CFTR: variants seen among roughly 807,000 people sequenced by gnomAD.
The protein encoded by CFTR is CF transmembrane conductance regulator.
A neutral mutation model predicts 171.6 loss-of-function variants in CFTR; 181 were observed. That is an observed-to-expected ratio of 1.05 (90% CI 0.93 to 1.19). CFTR has a LOEUF of 1.19. Among genes scored for constraint, CFTR ranks in the 50% most tolerant of loss-of-function variants. CFTR has a pLI of 0.00. For missense variants in CFTR, 1,968 were observed against 1,734.7 expected (o/e 1.13, Z -2.39); for synonymous variants, 583 against 608.0 (o/e 0.96, Z 0.60).
At chr7:117,584,464 C>A (rs1791899006) in intron 11 of CFTR, among the ~76,000 whole-genome samples, 1 of 152,038 alleles carries the variant, frequency 6.6e-6, no homozygotes, top group Non-Finnish European at 1.5e-5. Context: ...TATGCTTTGT[C>A]AAAGATCAGT....
intron 25 of CFTR, 125 bp from the exon 26 acceptor site, chr7:117,665,334 A>G: frequency 1.5e-6 from 1 of 671,280 alleles, no homozygotes; most frequent in Non-Finnish European, 2.6e-6. Flanking sequence ...TATCAACATT[A>G]TGTGAAAAGA....
intron 21 of CFTR, chr7:117,616,279 G>A (rs377536077): frequency 6.6e-6 from 1 of 151,126 alleles, no homozygotes; most frequent in East Asian, 1.9e-4. Context: ...TCTGTAGTTC[G>A]GTCTTTAATT....
rs397508621 is a variant in CFTR at position 117,642,592 on chromosome 7, A to G, written c.3872A>G (p.Gln1291Arg). Reference protein sequence around the residue: ...QWRKAFGVIPQKVFIFSGTFR... With the variant: ...QWRKAFGVIPRKVFIFSGTFR... ...AGGAAAGCCTTTGGAGTGATACCAC[A>G]GGTGAGCAAAAGGACTTAGCCAGAA... The change falls in exon 23 of 27, where the codon CAG (glutamine) becomes CGG (arginine). Residue 1291 changes from glutamine (Q) to arginine (R), a missense_variant and splice_region_variant. Gln to Arg is a conservative substitution (Grantham distance 43). Transcript: ENST00000003084. The G allele has an allele frequency of 6.2e-7, 1 of 1,613,296 alleles. No homozygotes were observed. The highest frequency in any genetic ancestry group is 8.5e-7 in the Non-Finnish European group (1 of 1,179,528).
At position 117,664,541 on chromosome 7, in the gene CFTR, A is replaced by G. The variant is rs1793336770; in HGVS notation, c.3964-147A>G. ...CAAGGTTGTAAATAGACTTTTGCTCAATCAATTCAAATGGTGGCAGGTAGT... is the reference window on the plus strand; with the variant it reads ...CAAGGTTGTAAATAGACTTTTGCTCGATCAATTCAAATGGTGGCAGGTAGT... On this transcript the variant is annotated intron_variant, in intron 24 of 26. Coordinates refer to ENST00000003084, the MANE Select transcript of CFTR (RefSeq NM_000492.4). The G allele has an allele frequency of 5.4e-6, 4 of 734,808 alleles. No homozygotes were observed. The Admixed American group carries it at 8.3e-5, about 15-fold the overall frequency. 45.5% of individuals were successfully genotyped at this position (734,808 alleles called of 1,614,324 possible).
chr7:117,583,467 C>T (rs1283307217), intron 11 of CFTR, among the ~76,000 whole-genome samples: 1 of 152,142 alleles, frequency 6.6e-6, no homozygotes, highest in African/African-American at 2.4e-5. Flanking sequence ...AATAAATTGT[C>T]TCTAGCTCCA....
At chr7:117,580,531 G>A (rs1453139211) in intron 11 of CFTR, among the ~76,000 whole-genome samples, 7 of 152,054 alleles carry the variant, frequency 4.6e-5, no homozygotes, top group Non-Finnish European at 1.0e-4. Context: ...ATGAGGGTAT[G>A]TCTTAGAAAA....
Position 117,592,388 on chromosome 7 carries a change from G to T in CFTR, c.2221G>T (p.Asp741Tyr). Residue 741 changes from aspartate to tyrosine, a missense_variant, in exon 14 of 27, where the codon GAT becomes TAT. Physicochemically the swap from Asp to Tyr is radical, Grantham distance 160 (BLOSUM62 -3). Coordinates refer to ENST00000003084, the MANE Select transcript of CFTR (RefSeq NM_000492.4). The stretch of plus-strand genomic sequence containing the variant: ...AGAGAGAAGGCTGTCCTTAGTACCA[G>T]ATTCTGAGCAGGGAGAGGCGATACT... ...PLERRLSLVP[D>Y]SEQGEAILPR... is the part of the protein sequence containing the mutation. 6.2e-7 allele frequency: 1 copy of T among 1,614,094 alleles called. No homozygotes were observed. Among genetic ancestry groups the T allele is most frequent in the Non-Finnish European group, 8.5e-7 (1 of 1,179,984 alleles).
chr7:117,586,577 A>G (rs2116013729), intron 11 of CFTR, among the ~76,000 whole-genome samples: 1 of 152,278 alleles, frequency 6.6e-6, no homozygotes, highest in South Asian at 2.1e-4. Context: ...AGTCCTATTT[A>G]TGTCCATATG....
intron 23 of CFTR, among the ~76,000 whole-genome samples, chr7:117,651,597 T>C (rs1407534235): frequency 6.6e-6 from 1 of 152,146 alleles, no homozygotes; most frequent in Non-Finnish European, 1.5e-5. Context: ...TGTAAAGCAA[T>C]GTAGGTACCT....
intron 10 of CFTR, among the ~76,000 whole-genome samples, chr7:117,558,533 GA>G (rs1799399454): frequency 6.7e-6 from 1 of 149,848 alleles, no homozygotes; most frequent in African/African-American, 2.5e-5. Flanking sequence ...TAGCCTGGGT[GA>G]CAGAGTGAGA....
chr7:117,482,747 T>G (rs183418356), intron 1 of CFTR, among the ~76,000 whole-genome samples: 38 of 152,354 alleles, frequency 2.5e-4, no homozygotes, highest in African/African-American at 8.4e-4. Flanking sequence ...TCACAACTTT[T>G]AAGGTAGTTA....
Position 117,615,702 on chromosome 7 carries a change from C to T in CFTR, c.3468+989C>T, listed in dbSNP as rs1158490973. Among the ~76,000 whole-genome samples, 15 of 151,616 alleles carry T rather than the reference C, an allele frequency of 9.9e-5. No individual in the cohort carries two copies. In the Admixed American group the frequency reaches 9.9e-4, roughly 10 times the overall value. ...TATAGTAATGCTTATGTGCTAATAC[C>T]ATATCAGGGGCACAAATCCCATTGC... On this transcript the variant is annotated intron_variant, in intron 21 of 26. Transcript: ENST00000003084.
intron 15 of CFTR, among the ~76,000 whole-genome samples, chr7:117,600,062 T>A (rs1792199525): frequency 6.6e-6 from 1 of 152,070 alleles, no homozygotes; most frequent in African/African-American, 2.4e-5. Flanking sequence ...ATAGGTTAGG[T>A]AAAATAGGCT....
At chr7:117,566,697 GAAAAT>G (rs1791607796) in intron 11 of CFTR, among the ~76,000 whole-genome samples, 1 of 151,832 alleles carries the variant, frequency 6.6e-6, no homozygotes, top group Non-Finnish European at 1.5e-5. Flanking sequence ...CCTGGAACTT[GAAAAT>G]AAATGCTAGC....
intron 23 of CFTR, among the ~76,000 whole-genome samples, chr7:117,648,756 G>C (rs776682639): frequency 8.5e-5 from 13 of 152,106 alleles, no homozygotes; most frequent in Non-Finnish European, 1.8e-4. Flanking sequence ...TTTGTGGAAA[G>C]TTCAAACAGT....
intron 15 of CFTR, among the ~76,000 whole-genome samples, chr7:117,601,461 A>T (rs1260624519): frequency 1.3e-5 from 2 of 152,120 alleles, no homozygotes; most frequent in Non-Finnish European, 2.9e-5. Flanking sequence ...TATATACCTC[A>T]TTATAGTACT....
chr7:117,611,373 G>C (rs1554392156), intron 19 of CFTR, among the ~76,000 whole-genome samples: 1 of 151,860 alleles, frequency 6.6e-6, no homozygotes, highest in Non-Finnish European at 1.5e-5. Context: ...CCCATCTCTG[G>C]TAGCCAAGTA....
At chr7:117,544,104 C>T (rs1310459752) in intron 9 of CFTR, among the ~76,000 whole-genome samples, 1 of 152,080 alleles carries the variant, frequency 6.6e-6, no homozygotes, top group Non-Finnish European at 1.5e-5. Flanking sequence ...CTGATTTAAC[C>T]TCTGCTTATT....
At chr7:117,486,682 G>A (rs1040831931) in intron 1 of CFTR, among the ~76,000 whole-genome samples, 6 of 151,786 alleles carry the variant, frequency 4.0e-5, no homozygotes, top group Admixed American at 2.6e-4. Flanking sequence ...TGTGGGAGAT[G>A]GGTCTGGAAA....
Sources: gnomAD v4.1 joint callset for allele counts (sites outside exome capture counted in the v4.1 genomes callset) on GRCh38, gnomAD v4.1.1 for gene constraint, MANE v1.5 for transcripts, NCBI Gene and HGNC (gene_info 2026-07-23, HGNC 2026-07-21) for gene names.